The following DPCD variants were observed in gnomAD, a reference collection of about 807,000 sequenced individuals.
DPCD encodes protein DPCD.
In DPCD, 20 loss-of-function variants were observed where a neutral mutation model predicts 26.4. The observed-to-expected ratio is 0.76, with a 90% CI of 0.53 to 1.10. The LOEUF (loss-of-function observed/expected upper bound fraction) is 1.10, where lower values mean the gene tolerates loss of function less well. Ranked by LOEUF, DPCD falls within the 50% of genes least tolerant of loss-of-function variation. The pLI, the probability that DPCD is intolerant of heterozygous loss-of-function variation, is 0.00. For synonymous variants in DPCD, 97 were observed against 94.2 expected, an observed-to-expected ratio of 1.03 and a Z score of -0.17; for missense variants, 202 against 253.9, an observed-to-expected ratio of 0.80 and a Z score of 1.39.
At chr10:101,609,041 T>C in intron 5 of DPCD, 104 bp downstream of exon 5, 1 of 988,590 alleles carries the variant, frequency 1.0e-6, no homozygotes. Context: ...CCCCAAGCCC[T>C]AGGGTATGCT....
chr10:101,597,230 G>A (rs962290255), intron 2 of DPCD, among the ~76,000 whole-genome samples: 1 of 152,178 alleles, frequency 6.6e-6, no homozygotes, highest in African/African-American at 2.4e-5. Context: ...ACCACCCCAG[G>A]CTGCATTTGG....
At chr10:101,608,775 G>C (rs1018588385) in intron 4 of DPCD, 60 bp from the exon 5 acceptor site, 5 of 1,173,144 alleles carry the variant, frequency 4.3e-6, no homozygotes, top group Non-Finnish European at 5.1e-6. Flanking sequence ...CAGAGGGCCT[G>C]ACGCCTGGCT....
At chr10:101,607,403 T>C (rs575274941) in intron 4 of DPCD, among the ~76,000 whole-genome samples, 1 of 152,116 alleles carries the variant, frequency 6.6e-6, no homozygotes, top group South Asian at 2.1e-4. Flanking sequence ...CTTTGGAAAA[T>C]AAAGCAACTT....
intron 4 of DPCD, among the ~76,000 whole-genome samples, chr10:101,604,677 C>A (rs952883947): frequency 6.6e-6 from 1 of 152,216 alleles, no homozygotes; most frequent in African/African-American, 2.4e-5. Context: ...TGGAATGAGC[C>A]AGGGTGCAGG....
chr10:101,609,227 C>G (rs1371040194), intron 5 of DPCD, 140 bp from the exon 6 acceptor site: 2 of 809,100 alleles, frequency 2.5e-6, no homozygotes, highest in Non-Finnish European at 3.9e-6. Context: ...GGCACATGAC[C>G]TTGAGCAAAT....
At position 101,600,904 on chromosome 10, in the gene DPCD, G is replaced by A; in HGVS notation, c.270+42G>A. On this transcript the variant is annotated intron_variant, in intron 3 of 5. Coordinates refer to ENST00000370151, the MANE Select transcript of DPCD (RefSeq NM_015448.3). This position sits in a 1 kb window ranked among gnomAD's most constrained non-coding sequence, Gnocchi z 4.7. ...AGGTGTCTTGCACGGACTGAGGTGG[G>A]GGTGGGCTGTGGGCTGCTGGCTCTT... is the stretch of plus-strand genomic sequence containing the variant. 6.2e-7 allele frequency: 1 copy of A among 1,612,640 alleles called. No individual in the cohort carries two copies. The highest frequency in any genetic ancestry group is 8.5e-7 in the Non-Finnish European group (1 of 1,179,694).
chr10:101,601,138 C>T, intron 3 of DPCD, 65 bp from the exon 4 acceptor site: 2 of 1,603,896 alleles, frequency 1.2e-6, no homozygotes, highest in Non-Finnish European at 1.7e-6. Flanking sequence ...CGGGGTAGCG[C>T]TCTGATGAGG....
chr10:101,604,779 C>A (rs1201519459), intron 4 of DPCD, among the ~76,000 whole-genome samples: 1 of 152,172 alleles, frequency 6.6e-6, no homozygotes, highest in African/African-American at 2.4e-5. Context: ...AGACTCACAG[C>A]TACTTCACAG....
chr10:101,596,370 C>T (rs867765078), intron 2 of DPCD, among the ~76,000 whole-genome samples: 1 of 152,126 alleles, frequency 6.6e-6, no homozygotes, highest in African/African-American at 2.4e-5. Flanking sequence ...CGTTAAAGCC[C>T]TATGAGGTAG....
Position 101,588,389 on chromosome 10 carries a change from T to C in DPCD, c.53T>C (p.Leu18Pro). The change falls in exon 1 of 6, where the codon CTG becomes CCG. Residue 18 changes from leucine (L) to proline (P), a missense_variant. By Grantham distance (98) the Leu-to-Pro change is moderately conservative. Coordinates refer to ENST00000370151, the MANE Select transcript of DPCD (RefSeq NM_015448.3). ...CTGCGGACAGCCCAGAAGACTGCGC[T>C]GCTGCAGGACGGTAACTCGAGGGTC... is the stretch of plus-strand genomic sequence containing the variant. The part of the protein sequence containing the change: ...ESLRTAQKTA[L>P]LQDGRRKVHY... The C allele has an allele frequency of 1.3e-6, 2 of 1,595,602 alleles. No individual in the cohort carries two copies. Among genetic ancestry groups the C allele is most frequent in the Non-Finnish European group, 8.5e-7 (1 of 1,169,704 alleles).
chr10:101,598,640 T>G (rs2063671033), intron 2 of DPCD, among the ~76,000 whole-genome samples: 1 of 115,288 alleles, frequency 8.7e-6, no homozygotes. Flanking sequence ...TTTTTTTTTT[T>G]TGAGACGGAG....
At chr10:101,592,679 C>G (rs1236184698) in intron 1 of DPCD, among the ~76,000 whole-genome samples, 1 of 151,706 alleles carries the variant, frequency 6.6e-6, no homozygotes, top group Non-Finnish European at 1.5e-5. Flanking sequence ...GAGATCACAC[C>G]ACTGCACTCC....
At chr10:101,593,471 C>T (rs553704716) in intron 1 of DPCD, among the ~76,000 whole-genome samples, 1 of 152,288 alleles carries the variant, frequency 6.6e-6, no homozygotes, top group South Asian at 2.1e-4. Flanking sequence ...ACTAGTTTTA[C>T]TGAGGAGTCT....
intron 5 of DPCD, 87 bp downstream of exon 5, chr10:101,609,024 G>C: frequency 8.8e-7 from 1 of 1,131,660 alleles, no homozygotes; most frequent in Non-Finnish European, 1.3e-6. Context: ...AGAGTCCTCA[G>C]TTCTAGCCCC....
intron 2 of DPCD, among the ~76,000 whole-genome samples, chr10:101,596,030 A>G (rs546308868): frequency 1.3e-5 from 2 of 152,344 alleles, no homozygotes; most frequent in South Asian, 2.1e-4. Context: ...TAAAACAGCT[A>G]TAGCTGCTGC....
chr10:101,591,333 A>G (rs1027856331), intron 1 of DPCD, among the ~76,000 whole-genome samples: 1 of 152,240 alleles, frequency 6.6e-6, no homozygotes, highest in East Asian at 1.9e-4. Flanking sequence ...TTGGTCACAG[A>G]AGTTTTTAAA....
At chr10:101,592,804 A>G (rs2063621065) in intron 1 of DPCD, among the ~76,000 whole-genome samples, 1 of 152,158 alleles carries the variant, frequency 6.6e-6, no homozygotes, top group Admixed American at 6.5e-5. Flanking sequence ...TCACGAGCTC[A>G]GGAGATTGAA....
At chr10:101,601,986 ATTTCC>A (rs2063701903) in intron 4 of DPCD, among the ~76,000 whole-genome samples, 1 of 152,180 alleles carries the variant, frequency 6.6e-6, no homozygotes, top group African/African-American at 2.4e-5. Context: ...GCCACAGTGC[ATTTCC>A]ATTTTGGAAA....
chr10:101,593,126 C>A (rs1201982219), intron 1 of DPCD, among the ~76,000 whole-genome samples: 1 of 152,166 alleles, frequency 6.6e-6, no homozygotes, highest in Non-Finnish European at 1.5e-5. Context: ...TTAGTAAGCG[C>A]TGCATCCTGC....
Sources: allele counts gnomAD v4.1 joint callset (sites outside exome capture counted in the v4.1 genomes callset), GRCh38; gene constraint gnomAD v4.1.1; non-coding constraint Gnocchi (gnomAD v3.1); transcripts MANE v1.5; gene names NCBI Gene and HGNC (gene_info 2026-07-23, HGNC 2026-07-21).